The following DMD variants were observed in gnomAD, a reference collection of about 807,000 sequenced individuals.
DMD encodes dystrophin, also known as mutant dystrophin.
Under a neutral mutation model 330.1 loss-of-function variants are expected in DMD, and 63 were observed. That is an observed-to-expected ratio of 0.19 (90% CI 0.16 to 0.24). The LOEUF (loss-of-function observed/expected upper bound fraction) is 0.24, where lower values mean the gene tolerates loss of function less well. Among genes scored for constraint, DMD ranks in the 10% least tolerant of loss-of-function variants. The probability of loss-of-function intolerance (pLI) is 1.00; values close to 1 mark genes in which losing one functional copy is unlikely to be tolerated. For synonymous variants in DMD, 1,223 were observed against 959.8 expected (o/e 1.27, Z -5.07); for missense variants, 3,344 against 2,684.1 (o/e 1.25, Z -5.43).
chrX:33,259,604 C>CT (rs1343737887), intron 1 of DMD, among the ~76,000 whole-genome samples: 1 of 68,964 alleles, frequency 1.5e-5, no homozygotes. Flanking sequence ...ATCGCCCCCC[C>CT]CCCCCAAAAA....
intron 7 of DMD, among the ~76,000 whole-genome samples, chrX:32,736,800 A>T: frequency 9.2e-6 from 1 of 108,890 alleles, no homozygotes; most frequent in Middle Eastern, 4.8e-3. Flanking sequence ...TAGCACTGGG[A>T]GATTTATCTA....
At chrX:32,658,912 T>A in intron 9 of DMD, among the ~76,000 whole-genome samples, 1 of 112,205 alleles carries the variant, frequency 8.9e-6, no homozygotes, top group East Asian at 2.8e-4. Context: ...CAAAGTTTTT[T>A]AATTTCACAC....
intron 2 of DMD, among the ~76,000 whole-genome samples, chrX:32,916,206 C>A (rs907358498): frequency 9.0e-6 from 1 of 110,860 alleles, no homozygotes; most frequent in Admixed American, 9.7e-5. Flanking sequence ...TCCTTCTCTC[C>A]AAAATAGAAC....
At chrX:32,588,109 C>A (rs932675921) in intron 13 of DMD, among the ~76,000 whole-genome samples, 1 of 112,222 alleles carries the variant, frequency 8.9e-6, no homozygotes, top group East Asian at 2.8e-4. Flanking sequence ...ACCGTCTGTT[C>A]ATAGGTTCAT....
intron 4 of DMD, among the ~76,000 whole-genome samples, chrX:32,844,406 C>CAAAAAAA (rs113585554): frequency 9.5e-5 from 7 of 74,027 alleles, no homozygotes; most frequent in Non-Finnish European, 1.6e-4. Flanking sequence ...GACTCCATCT[C>CAAAAAAA]AAAAAAAAAA....
chrX:33,068,890 GC>G (rs1469538585), intron 1 of DMD, among the ~76,000 whole-genome samples: 4 of 112,157 alleles, frequency 3.6e-5, no homozygotes, highest in African/African-American at 6.5e-5. Flanking sequence ...GATCAGTGAA[GC>G]TTTTTCCCTT....
chrX:33,011,871 T>G (rs2093707930), intron 2 of DMD, among the ~76,000 whole-genome samples: 1 of 111,672 alleles, frequency 9.0e-6, no homozygotes, highest in Non-Finnish European at 1.9e-5. Context: ...AAAGAATTGG[T>G]TTTTTTGCTA....
intron 17 of DMD, among the ~76,000 whole-genome samples, chrX:32,543,498 G>A (rs997905105): frequency 1.8e-5 from 2 of 111,734 alleles, no homozygotes; most frequent in African/African-American, 6.5e-5. Context: ...TCTGTTTGGA[G>A]AACTGTTGGA....
At chrX:32,728,431 T>C (rs1189536592) in intron 7 of DMD, among the ~76,000 whole-genome samples, 1 of 112,112 alleles carries the variant, frequency 8.9e-6, no homozygotes, top group Admixed American at 9.5e-5. Context: ...GCACTCTTTG[T>C]AGTTTATCAA....
chrX:32,869,312 C>T (rs2082764282), intron 2 of DMD, among the ~76,000 whole-genome samples: 3 of 111,229 alleles, frequency 2.7e-5, no homozygotes, highest in Admixed American at 9.6e-5. Flanking sequence ...AACAAAAACA[C>T]TGAAAACTCA....
At chrX:33,056,141 A>G (rs1250302673) in intron 1 of DMD, among the ~76,000 whole-genome samples, 1 of 110,679 alleles carries the variant, frequency 9.0e-6, no homozygotes, top group African/African-American at 3.3e-5. Flanking sequence ...ATGAATGTAA[A>G]TATTAGCATT....
intron 2 of DMD, among the ~76,000 whole-genome samples, chrX:32,853,324 A>T (rs915038277): frequency 1.8e-5 from 2 of 112,405 alleles, no homozygotes; most frequent in African/African-American, 6.5e-5. Flanking sequence ...TGTAATTGTG[A>T]TGTATGAACT....
At chrX:31,876,174 C>T (rs751099616) in intron 47 of DMD, among the ~76,000 whole-genome samples, 1 of 112,499 alleles carries the variant, frequency 8.9e-6, no homozygotes, top group South Asian at 3.7e-4. Context: ...TGTAGACTTC[C>T]TTAATCCATC....
chrX:31,759,574 C>CT (rs2089409610), intron 51 of DMD, among the ~76,000 whole-genome samples: 1 of 111,545 alleles, frequency 9.0e-6, no homozygotes, highest in Admixed American at 9.5e-5. Flanking sequence ...AAAGTGAATC[C>CT]TTTTTAGAAG....
chrX:32,953,585 C>T (rs34563973), intron 2 of DMD, among the ~76,000 whole-genome samples: 7,962 of 111,656 alleles, frequency 0.071, 280 homozygotes, highest in East Asian at 0.21. Flanking sequence ...TCCCCACTTA[C>T]AAGGAGCTTG....
intron 62 of DMD, among the ~76,000 whole-genome samples, chrX:31,323,344 A>T (rs2056557609): frequency 8.9e-6 from 1 of 111,888 alleles, no homozygotes; most frequent in South Asian, 3.7e-4. Flanking sequence ...ATTGTGAAAA[A>T]TCCGCCCCCT....
At position 32,483,164 on chromosome X, in the gene DMD, T is replaced by TAC. The variant is rs1557379478; in HGVS notation, c.2803+1753_2803+1754dup. ...TTCATTCCATATATATATATATATA[T>TAC]ACACCATATTTAATTAAAGGGTTAT... On this transcript the variant is annotated intron_variant, in intron 21 of 78. Transcript: ENST00000357033. Among the ~76,000 whole-genome samples, 109 of 61,630 alleles carry TAC rather than the reference T, an allele frequency of 1.8e-3. 18 individuals are homozygous for TAC. In the East Asian group the frequency reaches 0.019, roughly 11 times the overall value. 53.5% of individuals were successfully genotyped at this position (61,630 alleles called of 115,157 possible).
chrX:32,610,390 C>T (rs1374912396), intron 12 of DMD, among the ~76,000 whole-genome samples: 1 of 111,038 alleles, frequency 9.0e-6, no homozygotes, highest in African/African-American at 3.3e-5. Flanking sequence ...ATTGCTTTAC[C>T]TTACCTAATT....
chrX:32,946,804 C>G (rs967374789), intron 2 of DMD, among the ~76,000 whole-genome samples: 3 of 111,083 alleles, frequency 2.7e-5, no homozygotes, highest in African/African-American at 9.8e-5. Context: ...TGCAACCTTT[C>G]CTGTGCATTA....
Sources: gnomAD v4.1 joint callset for allele counts (sites outside exome capture counted in the v4.1 genomes callset) on GRCh38, gnomAD v4.1.1 for gene constraint, MANE v1.5 for transcripts, NCBI Gene and HGNC (gene_info 2026-07-23, HGNC 2026-07-21) for gene names.